Variants in ESAM observed in about 807,000 individuals in gnomAD.
The protein encoded by ESAM is endothelial cell adhesion molecule.
ESAM carries 23 observed loss-of-function variants against 31.8 expected under a neutral mutation model. That is an observed-to-expected ratio of 0.72 (90% CI 0.52 to 1.03). The LOEUF is 1.03. Among genes scored for constraint, ESAM ranks in the 50% least tolerant of loss-of-function variants. The pLI is 0.00. For missense variants in ESAM, 478 were observed against 488.9 expected, an observed-to-expected ratio of 0.98 and a Z score of 0.21; for synonymous variants, 216 against 207.2, an observed-to-expected ratio of 1.04 and a Z score of -0.37.
chr11:124,754,503 C>G lies in ESAM; in HGVS notation c.730+138G>C, dbSNP rs1944131694. 6 of 1,502,340 alleles carry G rather than the reference C, an allele frequency of 4.0e-6. No individual in the cohort carries two copies. The South Asian group carries it at 7.9e-5, about 20-fold the overall frequency. 93.1% of individuals were successfully genotyped at this position (1,502,340 alleles called of 1,614,324 possible). A position where few individuals can be genotyped will look rare whatever the true frequency, so the allele number is the denominator to read the frequency against. Reference sequence around the variant, plus strand: ...AGGAAATGACCAGTCACTGACCAACCATTTGTACAAACATTTGATCAGGGG... The same window carrying G: ...AGGAAATGACCAGTCACTGACCAACGATTTGTACAAACATTTGATCAGGGG... On this transcript the variant is annotated intron_variant, in intron 5 of 6. Transcript: ENST00000278927. The surrounding 1 kb of genome is among the most constrained non-coding windows in gnomAD (Gnocchi z 4.5).
Position 124,756,334 on chromosome 11 carries a change from G to C in ESAM, c.480C>G (p.Leu160=). ...TTGCCCCCACATGGGGCACACCCTG[G>C]AGACGGCAGGATGGAGGAGCTGGAG... The part of the protein sequence containing the change: ...LVPPAPPSCR[L]QGVPHVGANV... The change falls in exon 4 of 7, where the codon CTC becomes CTG. Residue 160 remains leucine (L), a synonymous_variant. Transcript: ENST00000278927. The C allele has an allele frequency of 6.2e-7, 1 of 1,609,286 alleles. No homozygotes were observed. Among genetic ancestry groups the C allele is most frequent in the Non-Finnish European group, 8.5e-7 (1 of 1,177,692 alleles).
In ESAM at chr11:124,756,645, A is replaced by G. The variant is rs766660335; in HGVS notation, c.347T>C (p.Leu116Pro). 33 of 1,614,014 alleles carry G rather than the reference A, an allele frequency of 2.0e-5. No homozygotes were observed. The highest frequency in any genetic ancestry group is 5.0e-5 in the Admixed American group (3 of 60,002). ...GTAGGGGCCAGAGTCTTTCTCCTGG[A>G]GACCCTCCAGCCGCAGGGACAGGTT... ...SRNLSLRLEGLQEKDSGPYSC... is the reference protein window; with the variant it reads ...SRNLSLRLEGPQEKDSGPYSC... The change falls in exon 3 of 7, where the codon CTC becomes CCC. Residue 116 changes from leucine to proline, a missense_variant. Coordinates refer to ENST00000278927, the MANE Select transcript of ESAM (RefSeq NM_138961.3).
chr11:124,761,656 A>G (rs1944230106), intron 1 of ESAM, among the ~76,000 whole-genome samples: 1 of 151,674 alleles, frequency 6.6e-6, no homozygotes, highest in Non-Finnish European at 1.5e-5. Context: ...GACCAGGGGT[A>G]TTTCCCCGGG....
Position 124,754,218 on chromosome 11 carries a change from TATC to T in ESAM, c.850_852del (p.Asp284del). On this transcript the variant is annotated inframe_deletion, in exon 6 of 7. Coordinates refer to ENST00000278927, the MANE Select transcript of ESAM (RefSeq NM_138961.3). This position sits in a 1 kb window ranked among gnomAD's most constrained non-coding sequence, Gnocchi z 4.5. ...GCAGACACCAGGGACACTTACTTGA[TATC>T]ATTGGCTGGCTCCTCCAGGGCCTTG... is the stretch of plus-strand genomic sequence containing the variant. The T allele has an allele frequency of 6.2e-7, 1 of 1,613,812 alleles. No homozygotes were observed. The highest frequency in any genetic ancestry group is 8.5e-7 in the Non-Finnish European group (1 of 1,179,886).
chr11:124,756,311 GC>G lies in ESAM; in HGVS notation c.502del (p.Ala168GlnfsTer3), dbSNP rs1410288774. 6.2e-7 allele frequency: 1 copy of G among 1,612,610 alleles called. No homozygotes were observed. The highest frequency in any genetic ancestry group is 8.5e-7 in the Non-Finnish European group (1 of 1,179,396). The stretch of plus-strand genomic sequence containing the variant: ...AGACTGGCAGCTCAGGGTCACGTTT[GC>G]CCCCACATGGGGCACACCCTGGAGA... Reference protein sequence around the residue: ...CRLQGVPHVGANVTLSCQSPR... With the variant: ...CRLQGVPHVGXNVTLSCQSPR... On this transcript the variant is annotated frameshift_variant, in exon 4 of 7. Coordinates refer to ENST00000278927, the MANE Select transcript of ESAM (RefSeq NM_138961.3). LOFTEE classifies it high-confidence loss of function.
In ESAM at chr11:124,754,221, C is replaced by A. The variant is rs753048294; in HGVS notation, c.850G>T (p.Asp284Tyr). The A allele has an allele frequency of 5.6e-6, 9 of 1,613,722 alleles. No individual in the cohort carries two copies. The highest frequency in any genetic ancestry group is 7.6e-6 in the Non-Finnish European group (9 of 1,179,880). Residue 284 changes from aspartate to tyrosine, a missense_variant, in exon 6 of 7, where the codon GAT becomes TAT. Transcript: ENST00000278927. The surrounding 1 kb of genome is among the most constrained non-coding windows in gnomAD (Gnocchi z 4.5). The part of the protein sequence containing the change: ...RGKALEEPAN[D>Y]IKEDAIAPRT... ...GACACCAGGGACACTTACTTGATAT[C>A]ATTGGCTGGCTCCTCCAGGGCCTTG...
chr11:124,754,131 A>G lies in ESAM; in HGVS notation c.857+83T>C, dbSNP rs1207777041. The G allele has an allele frequency of 6.4e-6, 10 of 1,573,650 alleles. No individual in the cohort carries two copies. The highest frequency in any genetic ancestry group is 8.6e-6 in the Non-Finnish European group (10 of 1,160,030). On this transcript the variant is annotated intron_variant, in intron 6 of 6. Coordinates refer to ENST00000278927, the MANE Select transcript of ESAM (RefSeq NM_138961.3). The surrounding 1 kb of genome is among the most constrained non-coding windows in gnomAD (Gnocchi z 4.5). Reference sequence around the variant, plus strand: ...TGTTTCAGCCACTGACCCCATCCCAATAGATGAGAGCTGCCTGAATTCCCA... The same window carrying G: ...TGTTTCAGCCACTGACCCCATCCCAGTAGATGAGAGCTGCCTGAATTCCCA...
At position 124,756,638 on chromosome 11, in the gene ESAM, C is replaced by T; in HGVS notation, c.354G>A (p.Glu118=). The T allele has an allele frequency of 6.2e-7, 1 of 1,614,170 alleles. No individual in the cohort carries two copies. Among genetic ancestry groups the T allele is most frequent in the Non-Finnish European group, 8.5e-7 (1 of 1,180,030 alleles). The change falls in exon 3 of 7, where the codon GAG becomes GAA. Residue 118 remains glutamate (E), a synonymous_variant. Coordinates refer to ENST00000278927, the MANE Select transcript of ESAM (RefSeq NM_138961.3). ...NLSLRLEGLQ[E]KDSGPYSCSV... ...AGCAGCTGTAGGGGCCAGAGTCTTT[C>T]TCCTGGAGACCCTCCAGCCGCAGGG...
intron 4 of ESAM, among the ~76,000 whole-genome samples, chr11:124,755,519 A>G (rs1944142178): frequency 1.3e-5 from 2 of 152,150 alleles, no homozygotes; most frequent in Non-Finnish European, 2.9e-5. Flanking sequence ...TTCCCAACAA[A>G]CCTGTGAGGT....
At position 124,758,513 on chromosome 11, in the gene ESAM, C is replaced by T. The variant is rs1242010423; in HGVS notation, c.85G>A (p.Ala29Thr). ...GLSALAPPSR[A>T]QLQLHLPANR... The stretch of plus-strand genomic sequence containing the variant: ...GCGGGCAAGTGCAGTTGCAGCTGGG[C>T]CCGCGAGGGGGGCGCTGGAGACAAG... Residue 29 changes from alanine to threonine, a missense_variant, in exon 2 of 7, where the codon GCC becomes ACC. Transcript: ENST00000278927. The T allele has an allele frequency of 1.3e-6, 2 of 1,575,064 alleles. No individual in the cohort carries two copies. The highest frequency in any genetic ancestry group is 1.7e-6 in the Non-Finnish European group (2 of 1,160,712).
chr11:124,754,785 C>T lies in ESAM; in HGVS notation c.608-22G>A, dbSNP rs778956171. Reference sequence around the variant, plus strand: ...ACATCTGTGGACACAATTTAGCCATCAGTCCAGGGACCCTCTTTCCCATTA... The same window carrying T: ...ACATCTGTGGACACAATTTAGCCATTAGTCCAGGGACCCTCTTTCCCATTA... On this transcript the variant is annotated intron_variant, in intron 4 of 6. Coordinates refer to ENST00000278927, the MANE Select transcript of ESAM (RefSeq NM_138961.3). The surrounding 1 kb of genome is among the most constrained non-coding windows in gnomAD (Gnocchi z 4.5). The T allele has an allele frequency of 4.4e-6, 7 of 1,601,910 alleles. No homozygotes were observed. Among genetic ancestry groups the T allele is most frequent in the East Asian group, 4.5e-5 (2 of 44,780 alleles).
In ESAM at chr11:124,756,658, G is replaced by T. The variant is rs371439555; in HGVS notation, c.334C>A (p.Arg112=). The stretch of plus-strand genomic sequence containing the variant: ...TCTTTCTCCTGGAGACCCTCCAGCC[G>T]CAGGGACAGGTTCCGGGAGGGCATG... The part of the protein sequence containing the change: ...YSMPSRNLSL[R]LEGLQEKDSG... Residue 112 remains arginine (R), a synonymous_variant, in exon 3 of 7, where the codon CGG becomes AGG. Coordinates refer to ENST00000278927, the MANE Select transcript of ESAM (RefSeq NM_138961.3). 84 of 1,613,984 alleles carry T rather than the reference G, an allele frequency of 5.2e-5. No individual in the cohort carries two copies. The highest frequency in any genetic ancestry group is 2.2e-4 in the Admixed American group (13 of 60,004).
chr11:124,754,017 G>A lies in ESAM; in HGVS notation c.858-56C>T. On this transcript the variant is annotated intron_variant, in intron 6 of 6. Transcript: ENST00000278927. The surrounding 1 kb of genome is among the most constrained non-coding windows in gnomAD (Gnocchi z 4.5). ...AAGTGGGTGGGGGAAGGAGGAGAGA[G>A]TTTCTACCTGCTTGGTCTTATATAC... The A allele has an allele frequency of 1.9e-6, 3 of 1,585,504 alleles. No individual in the cohort carries two copies. Among genetic ancestry groups the A allele is most frequent in the African/African-American group, 1.3e-5 (1 of 74,606 alleles).
At chr11:124,757,693 C>CTTTTT (rs5795429) in intron 2 of ESAM, among the ~76,000 whole-genome samples, 2 of 125,008 alleles carry the variant, frequency 1.6e-5, no homozygotes, top group African/African-American at 3.2e-5. Context: ...AATATGCTAA[C>CTTTTT]TTTTTTTTTT....
At chr11:124,761,814 G>T (rs142263152) in intron 1 of ESAM, among the ~76,000 whole-genome samples, 536 of 151,986 alleles carry the variant, frequency 3.5e-3, no homozygotes, top group Middle Eastern at 6.8e-3. Context: ...GGTGAGGAAT[G>T]GTTCCGATAA....
chr11:124,755,686 A>G (rs185544684), intron 4 of ESAM, among the ~76,000 whole-genome samples: 2 of 152,352 alleles, frequency 1.3e-5, no homozygotes, highest in African/African-American at 4.8e-5. Context: ...TTACTTAGAT[A>G]TTTTAAAGTA....
chr11:124,753,759 G>A lies in ESAM; in HGVS notation c.1060C>T (p.His354Tyr). 6.2e-7 allele frequency: 1 copy of A among 1,614,090 alleles called. No individual in the cohort carries two copies. Among genetic ancestry groups the A allele is most frequent in the Non-Finnish European group, 8.5e-7 (1 of 1,180,006 alleles). ...SPRLPTTDGA[H>Y]PQPISPIPGG... ...GGGATGGGGGATATTGGTTGAGGGT[G>A]GGCCCCATCTGTCGTGGGCAGTCTT... is the stretch of plus-strand genomic sequence containing the variant. The change falls in exon 7 of 7, where the codon CAC (histidine) becomes TAC (tyrosine). Residue 354 changes from histidine (H) to tyrosine (Y), a missense_variant. Transcript: ENST00000278927.
At chr11:124,760,073 C>T (rs981368206) in intron 1 of ESAM, among the ~76,000 whole-genome samples, 5 of 152,220 alleles carry the variant, frequency 3.3e-5, no homozygotes, top group African/African-American at 1.2e-4. Context: ...TCCCCAGGTC[C>T]CACATTTATA....
chr11:124,759,609 T>C lies in ESAM; in HGVS notation c.71-1082A>G, dbSNP rs1471432442. Among the ~76,000 whole-genome samples, 2 of 152,210 alleles carry C rather than the reference T, an allele frequency of 1.3e-5. No homozygotes were observed. The highest frequency in any genetic ancestry group is 2.4e-5 in the African/African-American group (1 of 41,470). ...CAGGCCCCGCTCTCCACCCTCGCCCTAGGAGAGCCAGGCTGAAGGCCTCTA... is the reference window on the plus strand; with the variant it reads ...CAGGCCCCGCTCTCCACCCTCGCCCCAGGAGAGCCAGGCTGAAGGCCTCTA... On this transcript the variant is annotated intron_variant, in intron 1 of 6. Coordinates refer to ENST00000278927, the MANE Select transcript of ESAM (RefSeq NM_138961.3). The surrounding 1 kb of genome is among the most constrained non-coding windows in gnomAD (Gnocchi z 6.8).
Sources: allele counts gnomAD v4.1 joint callset (sites outside exome capture counted in the v4.1 genomes callset), GRCh38; gene constraint gnomAD v4.1.1; non-coding constraint Gnocchi (gnomAD v3.1); transcripts MANE v1.5; gene names NCBI Gene and HGNC (gene_info 2026-07-23, HGNC 2026-07-21).